TPRG1: variants seen among roughly 807,000 people sequenced by gnomAD.
TPRG1 encodes tumor protein p63-regulated gene 1 protein.
In TPRG1, 29 loss-of-function variants were observed where a neutral mutation model predicts 29.3. That is an observed-to-expected ratio of 0.99 (90% CI 0.74 to 1.35). TPRG1 has a LOEUF of 1.35. Ranked by LOEUF, TPRG1 falls within the 40% of genes most tolerant of loss-of-function variation. The pLI, the probability that TPRG1 is intolerant of heterozygous loss-of-function variation, is 0.00. For synonymous variants in TPRG1, 130 were observed against 116.8 expected (o/e 1.11, Z -0.73); for missense variants, 327 against 335.0 (o/e 0.98, Z 0.19).
chr3:189,281,885 T>G (rs1717193958), intron 4 of TPRG1, among the ~76,000 whole-genome samples: 1 of 152,054 alleles, frequency 6.6e-6, no homozygotes, highest in East Asian at 1.9e-4. Flanking sequence ...TTATTTTTAT[T>G]TTTTATTTTT....
chr3:189,303,787 A>C (rs1721204164), intron 4 of TPRG1, among the ~76,000 whole-genome samples: 2 of 152,208 alleles, frequency 1.3e-5, no homozygotes, highest in Non-Finnish European at 2.9e-5. Context: ...ATGAAATCTT[A>C]GGTTGGACCT....
chr3:189,310,330 T>TA (rs1722284706), intron 4 of TPRG1, 56 bp from the exon 5 acceptor site: 3 of 1,329,864 alleles, frequency 2.3e-6, no homozygotes, highest in Non-Finnish European at 3.0e-6. Context: ...TACATTCTAT[T>TA]TTTTTTTTTT....
intron 3 of TPRG1, among the ~76,000 whole-genome samples, chr3:189,020,164 G>C (rs1247292193): frequency 1.3e-5 from 2 of 150,516 alleles, no homozygotes; most frequent in African/African-American, 4.9e-5. Context: ...CTATTTTGTT[G>C]ATCCTTTCAA....
chr3:189,149,451 T>A (rs1397408321), intron 4 of TPRG1, among the ~76,000 whole-genome samples: 1 of 152,206 alleles, frequency 6.6e-6, no homozygotes, highest in Non-Finnish European at 1.5e-5. Context: ...TATCAAGATC[T>A]CTAGGACTTT....
chr3:189,180,864 G>A (rs1206572740), intron 1 of TPRG1, among the ~76,000 whole-genome samples: 1 of 152,288 alleles, frequency 6.6e-6, no homozygotes, highest in Middle Eastern at 3.4e-3. Context: ...TGCCTTAGAG[G>A]AGTTTCTCCA....
At chr3:189,262,284 C>A (rs945006658) in intron 4 of TPRG1, among the ~76,000 whole-genome samples, 2 of 146,806 alleles carry the variant, frequency 1.4e-5, no homozygotes, top group African/African-American at 5.2e-5. Flanking sequence ...ATGAAGTATA[C>A]GTCTTTGAAA....
At position 189,319,226 on chromosome 3, in the gene TPRG1, T is replaced by G. The variant is rs545724745; in HGVS notation, c.634-1400T>G. On this transcript the variant is annotated intron_variant, in intron 5 of 5. Coordinates refer to ENST00000345063, the MANE Select transcript of TPRG1 (RefSeq NM_198485.4). ...GTCTGTGATTATTATTATGAAAAATTTATAGACATGGACTTTTTATCTGTA... is the reference window on the plus strand; with the variant it reads ...GTCTGTGATTATTATTATGAAAAATGTATAGACATGGACTTTTTATCTGTA... Among the ~76,000 whole-genome samples, 12 of 152,294 alleles carry G rather than the reference T, an allele frequency of 7.9e-5. 1 individual carries two copies. In the South Asian group the frequency reaches 2.3e-3, roughly 29 times the overall value.
chr3:189,187,552 C>T (rs1439558910), intron 1 of TPRG1, among the ~76,000 whole-genome samples: 9 of 150,166 alleles, frequency 6.0e-5, no homozygotes, highest in South Asian at 2.1e-4. Flanking sequence ...CTCCTGACCT[C>T]GTGATCCACC....
chr3:189,224,863 T>C (rs1267202568), intron 3 of TPRG1, among the ~76,000 whole-genome samples: 1 of 151,964 alleles, frequency 6.6e-6, no homozygotes, highest in Non-Finnish European at 1.5e-5. Context: ...TAACACAGTG[T>C]GCAATGGTGC....
chr3:189,032,715 T>A (rs1714001116), intron 4 of TPRG1, among the ~76,000 whole-genome samples: 1 of 151,132 alleles, frequency 6.6e-6, no homozygotes, highest in African/African-American at 2.4e-5. Context: ...TCATTTAGCA[T>A]TAGGTGTATC....
At chr3:189,194,638 G>A (rs1732237476) in intron 1 of TPRG1, among the ~76,000 whole-genome samples, 2 of 152,180 alleles carry the variant, frequency 1.3e-5, no homozygotes, top group African/African-American at 4.8e-5. Context: ...GTGGGGAAAA[G>A]GGAGTGTCCT....
chr3:189,233,433 C>T (rs1738986600), intron 3 of TPRG1, among the ~76,000 whole-genome samples: 1 of 152,080 alleles, frequency 6.6e-6, no homozygotes. Flanking sequence ...CTGTTGCCCT[C>T]TGCTGGTGAA....
intron 5 of TPRG1, chr3:189,315,506 C>T: frequency 2.2e-6 from 1 of 456,056 alleles, no homozygotes. Flanking sequence ...GCAGAGACTA[C>T]TGCTGGGAAG....
At chr3:189,125,520 C>A (rs1006051801) in intron 1 of TPRG1, among the ~76,000 whole-genome samples, 1 of 152,140 alleles carries the variant, frequency 6.6e-6, no homozygotes, top group East Asian at 1.9e-4. Flanking sequence ...CACCCCACCC[C>A]TTTTGAGGTC....
At chr3:189,023,172 A>G (rs1206571743) in intron 3 of TPRG1, among the ~76,000 whole-genome samples, 3 of 152,222 alleles carry the variant, frequency 2.0e-5, no homozygotes, top group African/African-American at 7.2e-5. Context: ...ATGGAAATGC[A>G]GAAATCACCC....
intron 4 of TPRG1, among the ~76,000 whole-genome samples, chr3:189,248,322 A>G (rs900699080): frequency 6.6e-5 from 10 of 151,980 alleles, no homozygotes; most frequent in African/African-American, 2.2e-4. Context: ...TAAAGTAATA[A>G]TAAAAGTTTA....
chr3:189,260,270 A>T (rs1352095350), intron 4 of TPRG1, among the ~76,000 whole-genome samples: 1 of 152,192 alleles, frequency 6.6e-6, no homozygotes, highest in African/African-American at 2.4e-5. Flanking sequence ...AAGCATTTGA[A>T]TTACGCAAGC....
rs1724512799 is a variant in TPRG1 at position 189,323,841 on chromosome 3, C to T, written c.*3021C>T. 1 of 152,130 alleles carries T rather than the reference C, an allele frequency of 6.6e-6. No homozygotes were observed. The highest frequency in any genetic ancestry group is 1.5e-5 in the Non-Finnish European group (1 of 68,020). The allele number at this position is 152,130 out of a possible 1,614,324, so 9.4% of individuals were successfully genotyped here. A position where few individuals can be genotyped will look rare whatever the true frequency, so the allele number is the denominator to read the frequency against. ...TGGTTGGAGGTCTTCATTATTCGGT[C>T]TTTATCTCATTCAGGAATTTCCACT... On this transcript the variant is annotated 3_prime_UTR_variant, in exon 6 of 6. Coordinates refer to ENST00000345063, the MANE Select transcript of TPRG1 (RefSeq NM_198485.4).
Position 189,321,864 on chromosome 3 carries a change from C to T in TPRG1, c.*1044C>T, listed in dbSNP as rs1353582906. 6.6e-6 allele frequency: 1 copy of T among 152,130 alleles called. No homozygotes were observed. The highest frequency in any genetic ancestry group is 1.5e-5 in the Non-Finnish European group (1 of 68,012). 9.4% of individuals were successfully genotyped at this position (152,130 alleles called of 1,614,324 possible). A position where few individuals can be genotyped will look rare whatever the true frequency, so the allele number is the denominator to read the frequency against. The stretch of plus-strand genomic sequence containing the variant: ...TCTTTCTTTCTAGGCCTCAGAGGTG[C>T]TGCATATGGAATGTCCATGGATCGC... On this transcript the variant is annotated 3_prime_UTR_variant, in exon 6 of 6. Transcript: ENST00000345063.
Sources: gnomAD v4.1 joint callset for allele counts (sites outside exome capture counted in the v4.1 genomes callset) on GRCh38, gnomAD v4.1.1 for gene constraint, MANE v1.5 for transcripts, NCBI Gene and HGNC (gene_info 2026-07-23, HGNC 2026-07-21) for gene names.